Variants in RRP36 observed in about 807,000 individuals in gnomAD.
The protein encoded by RRP36 is ribosomal RNA processing 36.
RRP36 carries 44 observed loss-of-function variants against 39.8 expected under a neutral mutation model. The observed-to-expected ratio is 1.10, with a 90% CI of 0.87 to 1.42. The LOEUF (loss-of-function observed/expected upper bound fraction) is 1.42, where lower values mean the gene tolerates loss of function less well. Among genes scored for constraint, RRP36 ranks in the 40% most tolerant of loss-of-function variants. RRP36 has a pLI of 0.00. For synonymous variants in RRP36, 124 were observed against 123.1 expected, an observed-to-expected ratio of 1.01 and a Z score of -0.05; for missense variants, 316 against 322.4, an observed-to-expected ratio of 0.98 and a Z score of 0.15.
Position 43,025,343 on chromosome 6 carries a change from C to G in RRP36, c.345+14C>G, listed in dbSNP as rs1762793874. The G allele has an allele frequency of 1.9e-6, 3 of 1,611,900 alleles. No homozygotes were observed. In the East Asian group the frequency reaches 6.7e-5, roughly 36 times the overall value. The stretch of plus-strand genomic sequence containing the variant: ...ATTAGTAAAAAGGTAAGGAAGAAGG[C>G]CAGGCACTGTGGCTCACGCCTGTAA... On this transcript the variant is annotated intron_variant, in intron 3 of 6. Coordinates refer to ENST00000244496, the MANE Select transcript of RRP36 (RefSeq NM_033112.4).
intron 1 of RRP36, among the ~76,000 whole-genome samples, 161 bp downstream of exon 1, chr6:43,021,945 A>G (rs1261504000): frequency 6.6e-6 from 1 of 152,080 alleles, no homozygotes; most frequent in African/African-American, 2.4e-5. Flanking sequence ...GTGAGAGTAG[A>G]TGCTTCCGGG....
At position 43,024,630 on chromosome 6, in the gene RRP36, T is replaced by C. The variant is rs947704867; in HGVS notation, c.131-355T>C. Among the ~76,000 whole-genome samples, 6 of 152,118 alleles carry C rather than the reference T, an allele frequency of 3.9e-5. No individual in the cohort carries two copies. The East Asian group carries it at 9.6e-4, about 24-fold the overall frequency. On this transcript the variant is annotated intron_variant, in intron 1 of 6. Coordinates refer to ENST00000244496, the MANE Select transcript of RRP36 (RefSeq NM_033112.4). ...TGATTGAGGTGAGAGATGCTGAGCA[T>C]GTGGACCAGGACACTGGCAATGGTA...
rs896594834 is a variant in RRP36 at position 43,029,563 on chromosome 6, T to C, written c.*335T>C. 1 of 223,280 alleles carries C rather than the reference T, an allele frequency of 4.5e-6. No individual in the cohort carries two copies. The highest frequency in any genetic ancestry group is 2.3e-5 in the African/African-American group (1 of 44,014). The allele number at this position is 223,280 out of a possible 1,614,324, so 13.8% of individuals were successfully genotyped here. On this transcript the variant is annotated 3_prime_UTR_variant, in exon 7 of 7. Coordinates refer to ENST00000244496, the MANE Select transcript of RRP36 (RefSeq NM_033112.4). ...CGTGACTCCCAGGGCTGGGACATTA[T>C]GTAGGAGCCACTTCATAAACATTCT...
intron 4 of RRP36, 36 bp from the exon 5 acceptor site, chr6:43,027,142 G>A: frequency 1.9e-6 from 3 of 1,591,460 alleles, no homozygotes; most frequent in Non-Finnish European, 2.6e-6. Context: ...AACATTTGCA[G>A]AATGCTAACC....
chr6:43,024,427 C>G (rs1034188878), intron 1 of RRP36, among the ~76,000 whole-genome samples: 1 of 152,164 alleles, frequency 6.6e-6, no homozygotes, highest in Non-Finnish European at 1.5e-5. Context: ...ATGGCTTTTA[C>G]TGTGAGCAAG....
Position 43,025,901 on chromosome 6 carries a change from C to A in RRP36, c.346-136C>A, listed in dbSNP as rs528520421. On this transcript the variant is annotated intron_variant, in intron 3 of 6. Coordinates refer to ENST00000244496, the MANE Select transcript of RRP36 (RefSeq NM_033112.4). ...TGAGCCGAGATTGCACCACTGCACTCCAGCCTGGGCGACAGAGCGAGACTG... is the reference window on the plus strand; with the variant it reads ...TGAGCCGAGATTGCACCACTGCACTACAGCCTGGGCGACAGAGCGAGACTG... The A allele has an allele frequency of 2.5e-4, 142 of 558,138 alleles. 1 individual carries two copies. In the South Asian group the frequency reaches 2.7e-3, roughly 11 times the overall value. 34.6% of individuals were successfully genotyped at this position (558,138 alleles called of 1,614,324 possible).
chr6:43,023,644 A>ATCG (rs1388365549), intron 1 of RRP36, among the ~76,000 whole-genome samples: 2 of 151,682 alleles, frequency 1.3e-5, no homozygotes, highest in Non-Finnish European at 2.9e-5. Context: ...GTGAGCCGAG[A>ATCG]TCGCGCCACT....
intron 3 of RRP36, 56 bp from the exon 4 acceptor site, chr6:43,025,981 C>G (rs1038525065): frequency 7.6e-7 from 1 of 1,322,626 alleles, no homozygotes; most frequent in Non-Finnish European, 1.1e-6. Flanking sequence ...AGCACTTTTT[C>G]TCAGTGAAAG....
At chr6:43,027,031 A>C (rs1336097441) in intron 4 of RRP36, 147 bp from the exon 5 acceptor site, 3 of 650,516 alleles carry the variant, frequency 4.6e-6, no homozygotes, top group Non-Finnish European at 7.9e-6. Context: ...ACACCACTGC[A>C]CTCAAGCCTG....
chr6:43,027,870 T>C (rs1268381370), intron 6 of RRP36, among the ~76,000 whole-genome samples: 3 of 149,588 alleles, frequency 2.0e-5, no homozygotes, highest in Non-Finnish European at 4.4e-5. Context: ...TCTTGGTCTA[T>C]ACTACACACA....
Position 43,027,391 on chromosome 6 carries a change from A to G in RRP36, c.557A>G (p.Lys186Arg). The part of the protein sequence containing the change: ...EQQEMAQQER[K>R]QQQELHLALK... ...CAAGAAATGGCACAGCAGGAACGAA[A>G]GCAACAGCAGGAGCTGCACCTGGCC... is the stretch of plus-strand genomic sequence containing the variant. The change falls in exon 6 of 7, where the codon AAG becomes AGG. Residue 186 changes from lysine to arginine, a missense_variant. Transcript: ENST00000244496. 1 of 1,614,220 alleles carries G rather than the reference A, an allele frequency of 6.2e-7. No homozygotes were observed. Among genetic ancestry groups the G allele is most frequent in the Non-Finnish European group, 8.5e-7 (1 of 1,180,040 alleles).
At chr6:43,023,730 A>C (rs1762766729) in intron 1 of RRP36, among the ~76,000 whole-genome samples, 1 of 152,182 alleles carries the variant, frequency 6.6e-6, no homozygotes, top group Non-Finnish European at 1.5e-5. Context: ...GTAAATTATT[A>C]CATTAAAAGG....
chr6:43,028,098 T>TG lies in RRP36; in HGVS notation c.643+628dup, dbSNP rs200171998. Reference sequence around the variant, plus strand: ...ATCCCAGCACTATGGGAGGCCAGTGTGGGGGGGTCACGAGGTCAGGAGTTC... The same window carrying TG: ...ATCCCAGCACTATGGGAGGCCAGTGTGGGGGGGGTCACGAGGTCAGGAGTTC... On this transcript the variant is annotated intron_variant, in intron 6 of 6. Transcript: ENST00000244496. Among the ~76,000 whole-genome samples the TG allele has an allele frequency of 5.2e-3, 783 of 149,902 alleles. 1 individual carries two copies. The highest frequency in any genetic ancestry group is 5.8e-3 in the Non-Finnish European group (389 of 67,286).
intron 1 of RRP36, among the ~76,000 whole-genome samples, chr6:43,023,929 T>C (rs1158606713): frequency 1.3e-5 from 2 of 150,852 alleles, no homozygotes; most frequent in African/African-American, 4.9e-5. Context: ...TGATCTCGGC[T>C]CACTGCATCC....
rs778860055 is a variant in RRP36, at chr6:43,025,314, T to G, written c.330T>G (p.Val110=). 5.0e-6 allele frequency: 8 copies of G among 1,613,728 alleles called. No homozygotes were observed. The highest frequency in any genetic ancestry group is 8.5e-7 in the Non-Finnish European group (1 of 1,180,026). Residue 110 remains valine, a synonymous_variant, in exon 3 of 7, where the codon GTT becomes GTG. Coordinates refer to ENST00000244496, the MANE Select transcript of RRP36 (RefSeq NM_033112.4). Reference sequence around the variant, plus strand: ...GAGTACCATTTTTACGTCAGGTTGTTCCCATTAGTAAAAAGGTAAGGAAGA... The same window carrying G: ...GAGTACCATTTTTACGTCAGGTTGTGCCCATTAGTAAAAAGGTAAGGAAGA... ...KIRVPFLRQV[V]PISKKVARDP... is the part of the protein sequence containing the mutation.
rs1474578245 is a variant in RRP36, at chr6:43,025,056, TTGGTAGC to T, written c.206_212del (p.Val69GlufsTer46). 8 of 1,614,038 alleles carry T rather than the reference TTGGTAGC, an allele frequency of 5.0e-6. No individual in the cohort carries two copies. In the African/African-American group the frequency reaches 1.1e-4, roughly 22 times the overall value. ...AGTGGGGACTAAGACGTACAAACAATTGGTAGCTGGAAATAGTCCTAAGAAACAAGCT... is the reference window on the plus strand; with the variant it reads ...AGTGGGGACTAAGACGTACAAACAATTGGAAATAGTCCTAAGAAACAAGCT... On this transcript the variant is annotated frameshift_variant, in exon 2 of 7. Coordinates refer to ENST00000244496, the MANE Select transcript of RRP36 (RefSeq NM_033112.4). LOFTEE classifies it high-confidence loss of function.
intron 1 of RRP36, among the ~76,000 whole-genome samples, chr6:43,024,523 G>A (rs571986036): frequency 1.2e-4 from 18 of 152,196 alleles, no homozygotes; most frequent in African/African-American, 3.9e-4. Context: ...TTTTATTTTC[G>A]ATGCCTCTCT....
At chr6:43,025,454 C>A in intron 3 of RRP36, 125 bp downstream of exon 3, 3 of 786,582 alleles carry the variant, frequency 3.8e-6, no homozygotes, top group South Asian at 3.2e-5. Flanking sequence ...GAAACCCTGT[C>A]TCTACTAAAA....
chr6:43,025,634 A>AG (rs2052292860), intron 3 of RRP36, among the ~76,000 whole-genome samples: 1 of 150,952 alleles, frequency 6.6e-6, no homozygotes, highest in South Asian at 2.1e-4. Context: ...AAAAAAAAAA[A>AG]AAAAAAAAAA....
Sources: allele counts gnomAD v4.1 joint callset (sites outside exome capture counted in the v4.1 genomes callset), GRCh38; gene constraint gnomAD v4.1.1; transcripts MANE v1.5; gene names NCBI Gene and HGNC (gene_info 2026-07-23, HGNC 2026-07-21).